ZBTB20: variants seen among roughly 807,000 people sequenced by gnomAD.
The protein encoded by ZBTB20 is zinc finger and BTB domain containing 20, also known as zinc finger and BTB domain-containing protein 20.
Under a neutral mutation model 56.9 loss-of-function variants are expected in ZBTB20, and 9 were observed. The ratio of observed to expected loss-of-function variants is 0.16; its 90% CI spans 0.10 to 0.28. The LOEUF is 0.28. Ranked by LOEUF, ZBTB20 falls within the 10% of genes least tolerant of loss-of-function variation. The pLI, the probability that ZBTB20 is intolerant of heterozygous loss-of-function variation, is 1.00. For synonymous variants in ZBTB20, 417 were observed against 420.7 expected (o/e 0.99, Z 0.11); for missense variants, 655 against 1,003.0 (o/e 0.65, Z 4.69).
chr3:114,866,490 A>G (rs1327232927), intron 4 of ZBTB20, among the ~76,000 whole-genome samples: 1 of 152,218 alleles, frequency 6.6e-6, no homozygotes, highest in African/African-American at 2.4e-5. Flanking sequence ...TTATAGGTCA[A>G]CTTGACTGAG....
At chr3:114,603,329 T>C (rs2056903841) in intron 6 of ZBTB20, among the ~76,000 whole-genome samples, 1 of 151,996 alleles carries the variant, frequency 6.6e-6, no homozygotes, top group Non-Finnish European at 1.5e-5. Context: ...CCACCACAGC[T>C]TATCAAGTTC....
chr3:115,008,111 C>T (rs1392921170), intron 2 of ZBTB20, among the ~76,000 whole-genome samples: 1 of 151,894 alleles, frequency 6.6e-6, no homozygotes, highest in Non-Finnish European at 1.5e-5. Context: ...GTCTGTAGCT[C>T]CTGCCCTTAT....
intron 4 of ZBTB20, among the ~76,000 whole-genome samples, chr3:114,805,834 C>T (rs1296044580): frequency 6.6e-6 from 1 of 151,794 alleles, no homozygotes; most frequent in Admixed American, 6.6e-5. Flanking sequence ...TTTATTAATG[C>T]AATCAAATAA....
intron 7 of ZBTB20, among the ~76,000 whole-genome samples, chr3:114,475,544 T>C (rs898397394): frequency 2.6e-5 from 4 of 152,270 alleles, no homozygotes; most frequent in South Asian, 2.1e-4. Flanking sequence ...TTTTGTTTTA[T>C]TGTCTAAAGA....
chr3:115,144,349 AG>A (rs1239669981), intron 1 of ZBTB20, among the ~76,000 whole-genome samples: 2 of 152,188 alleles, frequency 1.3e-5, no homozygotes, highest in East Asian at 3.8e-4. Context: ...CCTTTTTACT[AG>A]AAAGTCCAAT....
chr3:114,674,168 T>C (rs537235835), intron 6 of ZBTB20, among the ~76,000 whole-genome samples: 1 of 152,298 alleles, frequency 6.6e-6, no homozygotes, highest in African/African-American at 2.4e-5. Flanking sequence ...CTTTCATATA[T>C]TGAATGTGAA....
chr3:114,530,913 C>G (rs2047769255), intron 6 of ZBTB20, among the ~76,000 whole-genome samples: 1 of 152,142 alleles, frequency 6.6e-6, no homozygotes, highest in Admixed American at 6.5e-5. Context: ...TTTGGCTCCT[C>G]TTTCTCATCT....
At chr3:114,935,685 G>T (rs1379337537) in intron 3 of ZBTB20, among the ~76,000 whole-genome samples, 1 of 152,148 alleles carries the variant, frequency 6.6e-6, no homozygotes, top group African/African-American at 2.4e-5. Flanking sequence ...CCTGTTCCCA[G>T]ATCAGCTCAG....
At position 114,380,401 on chromosome 3, in the gene ZBTB20, C is replaced by T. The variant is rs1168856576; in HGVS notation, c.15G>A (p.Lys5=). 3 of 1,522,076 alleles carry T rather than the reference C, an allele frequency of 2.0e-6. No individual in the cohort carries two copies. In the East Asian group the frequency reaches 7.4e-5, roughly 37 times the overall value. The allele number at this position is 1,522,076 out of a possible 1,614,324, so 94.3% of individuals were successfully genotyped here. A position where few individuals can be genotyped will look rare whatever the true frequency, so the allele number is the denominator to read the frequency against. Residue 5 remains lysine (K), a synonymous_variant, in exon 10 of 12, where the codon AAG becomes AAA. Transcript: ENST00000675478. The part of the protein sequence containing the change: MLER[K]KPKTAENQKA... The stretch of plus-strand genomic sequence containing the variant: ...TCTGGTTTTCAGCTGTCTTGGGTTT[C>T]TTCCTGAAAATAAACAAAGGGCCCT...
intron 2 of ZBTB20, among the ~76,000 whole-genome samples, chr3:115,035,774 A>T (rs1222138817): frequency 6.6e-6 from 1 of 152,174 alleles, no homozygotes; most frequent in Non-Finnish European, 1.5e-5. Flanking sequence ...TAGCAGCCAT[A>T]TTCACAACAC....
intron 4 of ZBTB20, among the ~76,000 whole-genome samples, chr3:114,868,763 C>A (rs1165716033): frequency 6.6e-6 from 1 of 152,050 alleles, no homozygotes; most frequent in African/African-American, 2.4e-5. Context: ...TAGAATCCTT[C>A]CAAGTATTTT....
intron 7 of ZBTB20, among the ~76,000 whole-genome samples, chr3:114,428,181 A>G (rs2089849732): frequency 1.3e-5 from 2 of 152,366 alleles, no homozygotes; most frequent in South Asian, 4.1e-4. Flanking sequence ...GTACTGTACC[A>G]TAGTGGCAGT....
intron 1 of ZBTB20, among the ~76,000 whole-genome samples, chr3:115,087,481 A>G (rs1286224546): frequency 6.6e-6 from 1 of 151,960 alleles, no homozygotes; most frequent in South Asian, 2.1e-4. Context: ...TACACCTGAG[A>G]TTATCAGCAG....
chr3:115,116,554 AC>A, intron 1 of ZBTB20, among the ~76,000 whole-genome samples: 1 of 152,208 alleles, frequency 6.6e-6, no homozygotes, highest in South Asian at 2.1e-4. Flanking sequence ...TTTGATAACT[AC>A]ATTAGATTGA....
intron 6 of ZBTB20, among the ~76,000 whole-genome samples, chr3:114,502,114 C>T (rs966691143): frequency 2.0e-5 from 3 of 152,020 alleles, no homozygotes; most frequent in African/African-American, 4.8e-5. Context: ...AAAGCAGGTC[C>T]CCCTACCTCT....
intron 4 of ZBTB20, among the ~76,000 whole-genome samples, chr3:114,879,532 A>G (rs886534649): frequency 3.9e-5 from 6 of 152,290 alleles, no homozygotes; most frequent in Non-Finnish European, 8.8e-5. Context: ...ATTGCAGAGA[A>G]CCTGACCCTG....
In ZBTB20 at chr3:115,127,788, T is replaced by A. The variant is rs373307004; in HGVS notation, c.-703+19431A>T. ...GAATGTTTATTACAATGCTAAGAAA[T>A]AATTATTTGATTTCTGTCTATTCCA... On this transcript the variant is annotated intron_variant, in intron 1 of 11. Coordinates refer to ENST00000675478, the MANE Select transcript of ZBTB20 (RefSeq NM_001348800.3). 1.6e-4 allele frequency among the ~76,000 whole-genome samples: 24 copies of A among 152,246 alleles called. No homozygotes were observed. The East Asian group carries it at 3.5e-3, about 22-fold the overall frequency.
At chr3:114,535,589 T>C (rs1338864465) in intron 6 of ZBTB20, among the ~76,000 whole-genome samples, 1 of 152,178 alleles carries the variant, frequency 6.6e-6, no homozygotes, top group African/African-American at 2.4e-5. Flanking sequence ...CCATTCCTTC[T>C]GAAACTATTC....
intron 10 of ZBTB20, among the ~76,000 whole-genome samples, chr3:114,355,842 A>C (rs181844446): frequency 2.1e-4 from 32 of 150,888 alleles, no homozygotes; most frequent in Admixed American, 1.8e-3. Context: ...GAAAAAAAAA[A>C]CACACACACA....
Sources: allele counts gnomAD v4.1 joint callset (sites outside exome capture counted in the v4.1 genomes callset), GRCh38; gene constraint gnomAD v4.1.1; transcripts MANE v1.5; gene names NCBI Gene and HGNC (gene_info 2026-07-23, HGNC 2026-07-21).